Variants in KIAA1549L observed in about 807,000 individuals in gnomAD.
KIAA1549L encodes UPF0606 protein KIAA1549L.
Under a neutral mutation model 160.7 loss-of-function variants are expected in KIAA1549L, and 88 were observed. The ratio of observed to expected loss-of-function variants is 0.55; its 90% confidence interval spans 0.46 to 0.65. The LOEUF is 0.65. Ranked by LOEUF, KIAA1549L falls within the 30% of genes least tolerant of loss-of-function variation. The probability of loss-of-function intolerance (pLI) is 0.00; values close to 1 mark genes in which losing one functional copy is unlikely to be tolerated. For missense variants in KIAA1549L, 2,258 were observed against 2,437.5 expected (o/e 0.93, Z 1.55); for synonymous variants, 950 against 976.7 (o/e 0.97, Z 0.51).
chr11:33,408,332 GC>G (rs915608519), intron 1 of KIAA1549L, among the ~76,000 whole-genome samples: 1 of 152,002 alleles, frequency 6.6e-6, no homozygotes, highest in African/African-American at 2.4e-5. Context: ...TCGTCACATA[GC>G]ATCTGCGTGA....
At chr11:33,558,994 C>G (rs35916089) in intron 6 of KIAA1549L, among the ~76,000 whole-genome samples, 27,346 of 151,164 alleles carry the variant, frequency 0.18, 3,126 homozygotes, top group East Asian at 0.34. Context: ...CCACCATGCC[C>G]GGCTAATTTT....
At chr11:33,541,582 A>C (rs1854023404) in intron 1 of KIAA1549L, among the ~76,000 whole-genome samples, 1 of 152,226 alleles carries the variant, frequency 6.6e-6, no homozygotes, top group South Asian at 2.1e-4. Context: ...CTTAAGCATC[A>C]CTTCATCAGA....
rs572964155 is a variant in KIAA1549L, at chr11:33,612,272, C to T, written c.5279+2306C>T. On this transcript the variant is annotated intron_variant, in intron 15 of 20. Coordinates refer to ENST00000658780, the MANE Select transcript of KIAA1549L (RefSeq NM_012194.3). ...ACTCCAGAGACTGCTGACTGTTTAT[C>T]TGCTATCACAGGTTAGAGTTACCTG... Among the ~76,000 whole-genome samples, 6 of 152,316 alleles carry T rather than the reference C, an allele frequency of 3.9e-5. No individual in the cohort carries two copies. In the South Asian group the frequency reaches 1.0e-3, roughly 26 times the overall value.
intron 1 of KIAA1549L, among the ~76,000 whole-genome samples, chr11:33,441,552 C>G (rs1851506876): frequency 6.6e-6 from 1 of 151,972 alleles, no homozygotes; most frequent in Non-Finnish European, 1.5e-5. Context: ...TAAAAATGTT[C>G]CTGTTTCTCC....
At chr11:33,432,090 C>T (rs1202613700) in intron 1 of KIAA1549L, among the ~76,000 whole-genome samples, 1 of 152,250 alleles carries the variant, frequency 6.6e-6, no homozygotes, top group Non-Finnish European at 1.5e-5. Flanking sequence ...GGCCCACAAG[C>T]TCTGCACGCA....
intron 1 of KIAA1549L, among the ~76,000 whole-genome samples, chr11:33,431,796 G>A (rs1190810071): frequency 6.6e-6 from 1 of 152,238 alleles, no homozygotes; most frequent in African/African-American, 2.4e-5. Flanking sequence ...GGAGCAGGGG[G>A]CGGTGCTCAT....
intron 1 of KIAA1549L, among the ~76,000 whole-genome samples, chr11:33,501,663 T>C (rs552248876): frequency 6.6e-6 from 1 of 152,234 alleles, no homozygotes; most frequent in South Asian, 2.1e-4. Flanking sequence ...GATAATTATC[T>C]TTTTTTCTGA....
intron 1 of KIAA1549L, among the ~76,000 whole-genome samples, chr11:33,530,333 T>G (rs1156366917): frequency 3.5e-5 from 5 of 144,146 alleles, no homozygotes; most frequent in African/African-American, 1.3e-4. Flanking sequence ...ACCCAGGAGG[T>G]GGAGCTTGCA....
At chr11:33,430,041 T>TCCTTCCTTCCTTCCTTCCTTCCTC (rs1554976199) in intron 1 of KIAA1549L, among the ~76,000 whole-genome samples, 2 of 140,388 alleles carry the variant, frequency 1.4e-5, no homozygotes, top group African/African-American at 5.6e-5. Flanking sequence ...CTTCCTTCCT[T>TCCTTCCTTCCTTCCTTCCTTCCTC]CCTTCCTCCC....
At chr11:33,380,141 T>G (rs921812158) in intron 1 of KIAA1549L, among the ~76,000 whole-genome samples, 1 of 152,206 alleles carries the variant, frequency 6.6e-6, no homozygotes, top group Non-Finnish European at 1.5e-5. Context: ...CCTGTCTGCA[T>G]GCTGGGGCTT....
chr11:33,498,083 G>A (rs1262682696), intron 1 of KIAA1549L, among the ~76,000 whole-genome samples: 2 of 152,160 alleles, frequency 1.3e-5, no homozygotes, highest in African/African-American at 4.8e-5. Context: ...GAGGCTAAGA[G>A]TTTGATACCA....
At chr11:33,494,232 A>T (rs754046787) in intron 1 of KIAA1549L, among the ~76,000 whole-genome samples, 3 of 152,208 alleles carry the variant, frequency 2.0e-5, no homozygotes, top group Non-Finnish European at 2.9e-5. Flanking sequence ...AATTATATAG[A>T]TATGTTTTAC....
chr11:33,543,340 C>A lies in KIAA1549L; in HGVS notation c.1777C>A (p.His593Asn), dbSNP rs372019254. Residue 593 changes from histidine (H) to asparagine (N), a missense_variant, in exon 2 of 21, where the codon CAC becomes AAC. By Grantham distance (68) the His-to-Asn change is moderately conservative. Coordinates refer to ENST00000658780, the MANE Select transcript of KIAA1549L (RefSeq NM_012194.3). ...AFPRKEVLSL[H>N]TVNGFVSDFS... is the part of the protein sequence containing the mutation. ...TCCAAGGAAAGAGGTTTTGAGTCTT[C>A]ACACTGTAAATGGATTTGTCTCTGA... The A allele has an allele frequency of 3.8e-5, 61 of 1,614,052 alleles. No individual in the cohort carries two copies. In the African/African-American group the frequency reaches 7.2e-4, roughly 19 times the overall value.
chr11:33,636,847 G>A (rs756722219), intron 16 of KIAA1549L, among the ~76,000 whole-genome samples: 5 of 152,122 alleles, frequency 3.3e-5, no homozygotes, highest in Non-Finnish European at 4.4e-5. Context: ...CTGAGGATAA[G>A]GGAGACTAAT....
intron 12 of KIAA1549L, among the ~76,000 whole-genome samples, chr11:33,593,150 G>C (rs1173254762): frequency 6.6e-6 from 1 of 152,168 alleles, no homozygotes; most frequent in African/African-American, 2.4e-5. Flanking sequence ...CTCACTTTGG[G>C]CTGGGTGCAT....
intron 1 of KIAA1549L, among the ~76,000 whole-genome samples, chr11:33,410,169 GTTACCA>G (rs1352941372): frequency 1.3e-5 from 2 of 152,138 alleles, no homozygotes. Flanking sequence ...GGCTAGAGAA[GTTACCA>G]TTAAAGAGGC....
chr11:33,666,417 C>T (rs1852455268), intron 20 of KIAA1549L, among the ~76,000 whole-genome samples: 1 of 152,232 alleles, frequency 6.6e-6, no homozygotes, highest in South Asian at 2.1e-4. Context: ...GAATCCCCCT[C>T]CCACTGCATC....
intron 6 of KIAA1549L, among the ~76,000 whole-genome samples, chr11:33,554,514 T>C (rs867092804): frequency 3.9e-5 from 6 of 152,234 alleles, no homozygotes; most frequent in Admixed American, 6.5e-5. Context: ...CCTGTCTTCG[T>C]TGGCTTTGCT....
At chr11:33,524,115 C>T (rs1018067552) in intron 1 of KIAA1549L, among the ~76,000 whole-genome samples, 4 of 152,044 alleles carry the variant, frequency 2.6e-5, no homozygotes, top group African/African-American at 9.7e-5. Context: ...ATCCTCCTAC[C>T]TTTTTCTATG....
Sources: gnomAD v4.1 joint callset for allele counts (sites outside exome capture counted in the v4.1 genomes callset) on GRCh38, gnomAD v4.1.1 for gene constraint, MANE v1.5 for transcripts, NCBI Gene and HGNC (gene_info 2026-07-23, HGNC 2026-07-21) for gene names.